CHAF1A: variants seen among roughly 807,000 people sequenced by gnomAD.
The protein encoded by CHAF1A is chromatin assembly factor 1 subunit A.
In CHAF1A, 5 loss-of-function variants were observed where a neutral mutation model predicts 93.2. The observed-to-expected ratio is 0.05, with a 90% confidence interval of 0.03 to 0.11. CHAF1A has a LOEUF of 0.11. Among genes scored for constraint, CHAF1A ranks in the 10% least tolerant of loss-of-function variants. The pLI is 1.00. For missense variants in CHAF1A, 1,102 were observed against 1,259.9 expected, an observed-to-expected ratio of 0.87 and a Z score of 1.90; for synonymous variants, 504 against 510.3, an observed-to-expected ratio of 0.99 and a Z score of 0.17.
chr19:4,404,073 G>T (rs1337869212), intron 1 of CHAF1A, among the ~76,000 whole-genome samples: 2 of 151,126 alleles, frequency 1.3e-5, no homozygotes, highest in Non-Finnish European at 2.9e-5. Flanking sequence ...CACCTGCATT[G>T]GCCTCCCAAA....
intron 6 of CHAF1A, 92 bp from the exon 7 acceptor site, chr19:4,423,714 T>G: frequency 3.1e-6 from 4 of 1,286,594 alleles, no homozygotes; most frequent in Non-Finnish European, 4.5e-6. Flanking sequence ...CTAAAATGCT[T>G]GACGTTCGGT....
downstream of CHAF1A, chr19:4,448,591 C>T (rs1391139107): frequency 1.1e-5 from 7 of 615,696 alleles, no homozygotes; most frequent in East Asian, 2.7e-5. Flanking sequence ...GCCCTGCCCA[C>T]GCCCCAGGGC....
At chr19:4,407,051 G>A (rs764133667) in intron 2 of CHAF1A, among the ~76,000 whole-genome samples, 23 of 151,928 alleles carry the variant, frequency 1.5e-4, no homozygotes, top group South Asian at 2.1e-4. Context: ...GTGAAACCCC[G>A]TCTCTACTAA....
intron 3 of CHAF1A, 91 bp from the exon 4 acceptor site, chr19:4,417,929 G>A (rs2145093625): frequency 1.2e-6 from 1 of 846,050 alleles, no homozygotes; most frequent in Non-Finnish European, 1.9e-6. Context: ...TGGTTCTGTT[G>A]GTGGAAAAAC....
intron 13 of CHAF1A, among the ~76,000 whole-genome samples, chr19:4,434,154 C>T (rs1167393607): frequency 6.6e-6 from 1 of 151,728 alleles, no homozygotes; most frequent in African/African-American, 2.4e-5. Flanking sequence ...GGAGACCAGC[C>T]TGGGCAACAT....
intron 7 of CHAF1A, among the ~76,000 whole-genome samples, chr19:4,426,819 G>A (rs922723545): frequency 3.9e-5 from 6 of 152,226 alleles, no homozygotes; most frequent in Middle Eastern, 3.4e-3. Flanking sequence ...GGCCAGGTGC[G>A]GTGGCTTATG....
At chr19:4,418,836 G>A (rs912175346) in intron 4 of CHAF1A, among the ~76,000 whole-genome samples, 2 of 152,026 alleles carry the variant, frequency 1.3e-5, no homozygotes, top group East Asian at 1.9e-4. Context: ...GCATCACCAC[G>A]TTTTCCACAC....
chr19:4,411,644 C>CTTTTTTTTTTTTTTTTTTTTTGTTTTTTT (rs1973804366), intron 3 of CHAF1A, among the ~76,000 whole-genome samples: 1 of 48,204 alleles, frequency 2.1e-5, no homozygotes, highest in Non-Finnish European at 4.1e-5. Flanking sequence ...TGGTGCAAAT[C>CTTTTTTTTTTTTTTTTTTTTTGTTTTTTT]TTTTTTTTTT....
In CHAF1A at chr19:4,443,336, G is replaced by T. The variant is rs1340584780; in HGVS notation, c.*311G>T. The T allele has an allele frequency of 5.5e-6, 2 of 362,612 alleles. No homozygotes were observed. Among genetic ancestry groups the T allele is most frequent in the African/African-American group, 4.2e-5 (2 of 47,292 alleles). 22.5% of individuals were successfully genotyped at this position (362,612 alleles called of 1,614,324 possible). ...ATTGAAGCGTCAGGACCACCCGCCT[G>T]GCCACGTGCGCGGGCCCCTGGACCT... On this transcript the variant is annotated 3_prime_UTR_variant, in exon 15 of 15. Transcript: ENST00000301280.
At chr19:4,409,780 C>A (rs1973758861) in intron 3 of CHAF1A, 21 bp downstream of exon 3, 5 of 1,582,730 alleles carry the variant, frequency 3.2e-6, no homozygotes, top group Non-Finnish European at 4.3e-6. Context: ...CCCATGGAGT[C>A]CCTGCACATC....
At position 4,405,640 on chromosome 19, in the gene CHAF1A, C is replaced by T. The variant is rs550095610; in HGVS notation, c.53-272C>T. ...AAAAAAAAAATTTTTTTTTTTTGGC[C>T]CATATAATTCTTCATTGTGGTGTGC... On this transcript the variant is annotated intron_variant, in intron 1 of 14. Coordinates refer to ENST00000301280, the MANE Select transcript of CHAF1A (RefSeq NM_005483.3). 4.8e-4 allele frequency among the ~76,000 whole-genome samples: 73 copies of T among 150,962 alleles called. 1 individual carries two copies. In the South Asian group the frequency reaches 0.013, roughly 27 times the overall value.
chr19:4,411,627 G>A (rs1402904486), intron 3 of CHAF1A, among the ~76,000 whole-genome samples: 2 of 73,250 alleles, frequency 2.7e-5, no homozygotes, highest in East Asian at 3.0e-4. Context: ...ATGAAATGTT[G>A]TAAAAATGGT....
chr19:4,429,033 C>T lies in CHAF1A; in HGVS notation c.1604+143C>T, dbSNP rs190635280. 215 of 646,672 alleles carry T rather than the reference C, an allele frequency of 3.3e-4. 4 individuals are homozygous for T. The African/African-American group carries it at 3.4e-3, about 10-fold the overall frequency. 40.1% of individuals were successfully genotyped at this position (646,672 alleles called of 1,614,324 possible). A position where few individuals can be genotyped will look rare whatever the true frequency, so the allele number is the denominator to read the frequency against. ...CTCGGGCCCTGGGCTTCGGTGCTGG[C>T]TCAGGCCTCTCTCCACCTGGCCTTC... On this transcript the variant is annotated intron_variant, in intron 8 of 14. Transcript: ENST00000301280.
chr19:4,447,819 C>T (rs573870624), downstream of CHAF1A: 18 of 603,662 alleles, frequency 3.0e-5, no homozygotes, highest in East Asian at 5.2e-4. Context: ...GGAGCCCACC[C>T]CTGGTGCCAG....
rs1401957378 is a variant in CHAF1A at position 4,429,726 on chromosome 19, G to A, written c.1792G>A (p.Val598Met). The change falls in exon 10 of 15, where the codon GTG becomes ATG. Residue 598 changes from valine to methionine, a missense_variant. Val to Met is a conservative substitution (Grantham distance 21). Transcript: ENST00000301280. ...TTCTCAGAAGCTCCTGGACTATGAG[G>A]TGGACAGTGATGAGGAGTGGGAAGA... ...AQDTKLLDYE[V>M]DSDEEWEEEE... 2 of 1,614,028 alleles carry A rather than the reference G, an allele frequency of 1.2e-6. No homozygotes were observed. Among genetic ancestry groups the A allele is most frequent in the Middle Eastern group, 1.6e-4 (1 of 6,084 alleles).
In CHAF1A at chr19:4,418,082, A is replaced by T; in HGVS notation, c.1017+6A>T. 6.3e-7 allele frequency: 1 copy of T among 1,588,902 alleles called. No homozygotes were observed. The highest frequency in any genetic ancestry group is 8.6e-7 in the Non-Finnish European group (1 of 1,165,934). On this transcript the variant is annotated splice_donor_region_variant and intron_variant, in intron 4 of 14. Transcript: ENST00000301280. Reference sequence around the variant, plus strand: ...ACAAGCTCAGACTGCAAAGAGTAAGACATTTTCCCTGAAATAGAAAATTAA... The same window carrying T: ...ACAAGCTCAGACTGCAAAGAGTAAGTCATTTTCCCTGAAATAGAAAATTAA...
chr19:4,447,795 C>T, downstream of CHAF1A: 1 of 656,380 alleles, frequency 1.5e-6, no homozygotes, highest in Non-Finnish European at 2.7e-6. Context: ...GAAGGCACAC[C>T]TCGGACACCC....
chr19:4,444,472 C>T (rs1304783522), downstream of CHAF1A: 1 of 152,364 alleles, frequency 6.6e-6, no homozygotes. Flanking sequence ...GGACCAGGCC[C>T]TCCTGGAGAG....
chr19:4,417,976 A>G (rs1262515233), intron 3 of CHAF1A, 44 bp from the exon 4 acceptor site: 2 of 1,413,002 alleles, frequency 1.4e-6, no homozygotes, highest in Non-Finnish European at 2.0e-6. Context: ...TCTCGAAGCA[A>G]TTGAAATAAC....
Sources: gnomAD v4.1 joint callset for allele counts (sites outside exome capture counted in the v4.1 genomes callset) on GRCh38, gnomAD v4.1.1 for gene constraint, MANE v1.5 for transcripts, NCBI Gene and HGNC (gene_info 2026-07-23, HGNC 2026-07-21) for gene names.